The following RBFOX1 variants were observed in gnomAD, a reference collection of about 807,000 sequenced individuals.
The protein encoded by RBFOX1 is RNA binding protein fox-1 homolog 1.
A neutral mutation model predicts 57.7 loss-of-function variants in RBFOX1; 8 were observed. That is an observed-to-expected ratio of 0.14 (90% CI 0.08 to 0.25). The LOEUF (loss-of-function observed/expected upper bound fraction) is 0.25, where lower values mean the gene tolerates loss of function less well. Ranked by LOEUF, RBFOX1 falls within the 10% of genes least tolerant of loss-of-function variation. RBFOX1 has a pLI of 1.00. For missense variants in RBFOX1, 611 were observed against 548.5 expected (o/e 1.11, Z -1.14); for synonymous variants, 326 against 222.4 (o/e 1.47, Z -4.15).
intron 2 of RBFOX1, among the ~76,000 whole-genome samples, chr16:6,554,855 C>G (rs557660918): frequency 6.7e-6 from 1 of 148,188 alleles, no homozygotes; most frequent in African/African-American, 2.7e-5. Flanking sequence ...CACTCTCGCT[C>G]TGTCGCTCTC....
In RBFOX1 at chr16:5,640,842, C is replaced by G. The variant is rs1213982983; in HGVS notation, c.318+41881C>G. ...ATGGATACACATACATGCACACACA[C>G]ACACACACACACACCATGGATACAC... On this transcript the variant is annotated intron_variant, in intron 3 of 19. Transcript: ENST00000641259. 2.7e-5 allele frequency among the ~76,000 whole-genome samples: 4 copies of G among 150,544 alleles called. No individual in the cohort carries two copies. The East Asian group carries it at 7.9e-4, about 30-fold the overall frequency.
At chr16:7,607,441 T>G (rs776744042) in intron 10 of RBFOX1, 103 bp downstream of exon 10, 1 of 1,049,816 alleles carries the variant, frequency 9.5e-7, no homozygotes, top group Non-Finnish European at 1.5e-6. Context: ...GCAAGTGAAT[T>G]CCTATCCTAA....
chr16:7,302,016 G>A (rs1036631538), intron 4 of RBFOX1, among the ~76,000 whole-genome samples: 2 of 152,130 alleles, frequency 1.3e-5, no homozygotes, highest in African/African-American at 4.8e-5. Flanking sequence ...CTGATGCAAC[G>A]TACAGCAAAC....
chr16:7,069,382 T>C (rs1215911563), intron 4 of RBFOX1, among the ~76,000 whole-genome samples: 1 of 152,090 alleles, frequency 6.6e-6, no homozygotes, highest in Non-Finnish European at 1.5e-5. Flanking sequence ...CCGGTGTGTG[T>C]GGTTCCCCTT....
At chr16:6,895,448 G>GTGTGTGTGTATA (rs869028735) in intron 3 of RBFOX1, among the ~76,000 whole-genome samples, 25 of 54,628 alleles carry the variant, frequency 4.6e-4, no homozygotes, top group African/African-American at 2.1e-3. Flanking sequence ...GTGTGTGTGT[G>GTGTGTGTGTATA]TATATATATA....
chr16:5,854,306 C>G (rs765570891), intron 3 of RBFOX1, among the ~76,000 whole-genome samples: 5 of 152,198 alleles, frequency 3.3e-5, no homozygotes, highest in African/African-American at 7.2e-5. Flanking sequence ...GTAACTGAAA[C>G]TTTGTGTGTT....
intron 1 of RBFOX1, among the ~76,000 whole-genome samples, chr16:6,190,791 T>G (rs1446129149): frequency 6.6e-6 from 1 of 152,172 alleles, no homozygotes; most frequent in Non-Finnish European, 1.5e-5. Flanking sequence ...GCTTATGTAT[T>G]TTATCTTGCT....
At position 6,587,389 on chromosome 16, in the gene RBFOX1, C is replaced by G. The variant is rs368234260; in HGVS notation, c.-63-67214C>G. Among the ~76,000 whole-genome samples the G allele has an allele frequency of 1.6e-3, 238 of 152,284 alleles. 1 individual carries two copies. The highest frequency in any genetic ancestry group is 5.6e-3 in the African/African-American group (231 of 41,552). The stretch of plus-strand genomic sequence containing the variant: ...CTTCGCCTCCCAGGATCAAGCAATT[C>G]TCCTGCCTCAGCCTCCTGAGTAGCT... On this transcript the variant is annotated intron_variant, in intron 2 of 15. Coordinates refer to ENST00000550418, the MANE Select transcript of RBFOX1 (RefSeq NM_018723.4).
chr16:6,881,523 C>A (rs2062929827), intron 3 of RBFOX1, among the ~76,000 whole-genome samples: 1 of 152,270 alleles, frequency 6.6e-6, no homozygotes, highest in African/African-American at 2.4e-5. Flanking sequence ...ACATCATCTT[C>A]CGTCTATGCA....
At chr16:6,685,962 C>A (rs896643891) in intron 3 of RBFOX1, among the ~76,000 whole-genome samples, 5 of 152,040 alleles carry the variant, frequency 3.3e-5, no homozygotes, top group African/African-American at 7.2e-5. Context: ...TTGATTCCAA[C>A]GTGACAAAAC....
At chr16:7,591,628 T>C (rs1382447070) in intron 7 of RBFOX1, among the ~76,000 whole-genome samples, 3 of 152,136 alleles carry the variant, frequency 2.0e-5, no homozygotes, top group Non-Finnish European at 4.4e-5. Flanking sequence ...ACCAATCTCT[T>C]TTCTTCAGTA....
intron 2 of RBFOX1, among the ~76,000 whole-genome samples, chr16:6,476,048 G>A (rs747665379): frequency 2.6e-5 from 4 of 152,004 alleles, no homozygotes; most frequent in Non-Finnish European, 5.9e-5. Flanking sequence ...ATCATCCAGC[G>A]TTTGAAGAGA....
intron 4 of RBFOX1, among the ~76,000 whole-genome samples, chr16:7,116,015 A>C (rs535313326): frequency 6.6e-6 from 1 of 152,290 alleles, no homozygotes; most frequent in South Asian, 2.1e-4. Flanking sequence ...TGTGCCAGGC[A>C]CTGTACTAAG....
At chr16:6,679,327 T>C (rs982791736) in intron 3 of RBFOX1, among the ~76,000 whole-genome samples, 3 of 152,050 alleles carry the variant, frequency 2.0e-5, no homozygotes, top group Admixed American at 6.6e-5. Flanking sequence ...AAGATAACAA[T>C]GACGAGCTTG....
At chr16:6,034,042 T>C (rs2095327705) in intron 1 of RBFOX1, among the ~76,000 whole-genome samples, 1 of 151,958 alleles carries the variant, frequency 6.6e-6, no homozygotes, top group African/African-American at 2.4e-5. Context: ...TTAGAAAGAA[T>C]AGGAATCGTT....
chr16:6,752,409 A>C (rs1436171235), intron 3 of RBFOX1, among the ~76,000 whole-genome samples: 1 of 152,200 alleles, frequency 6.6e-6, no homozygotes, highest in Non-Finnish European at 1.5e-5. Context: ...GAAATTGGCC[A>C]CAAGGAAGTG....
chr16:6,434,263 A>T (rs991577423), intron 2 of RBFOX1, among the ~76,000 whole-genome samples: 4 of 152,188 alleles, frequency 2.6e-5, no homozygotes, highest in Non-Finnish European at 5.9e-5. Context: ...TATGTAAGGT[A>T]ACACATTCAG....
intron 4 of RBFOX1, among the ~76,000 whole-genome samples, chr16:7,195,312 G>A (rs1316141508): frequency 6.6e-6 from 1 of 152,258 alleles, no homozygotes; most frequent in African/African-American, 2.4e-5. Flanking sequence ...GGCTTCTTGT[G>A]AAAGTCTTGG....
intron 3 of RBFOX1, among the ~76,000 whole-genome samples, chr16:6,937,992 G>T (rs1277765960): frequency 1.1e-5 from 1 of 90,416 alleles, no homozygotes. Flanking sequence ...GGGGTGGGGG[G>T]TGGGCTTACA....
Sources: gnomAD v4.1 joint callset for allele counts (sites outside exome capture counted in the v4.1 genomes callset) on GRCh38, gnomAD v4.1.1 for gene constraint, MANE v1.5 for transcripts, NCBI Gene and HGNC (gene_info 2026-07-23, HGNC 2026-07-21) for gene names.